The following MED12L variants were observed in gnomAD, a reference collection of about 807,000 sequenced individuals.
MED12L encodes the protein mediator of RNA polymerase II transcription subunit 12-like protein.
In MED12L, 60 loss-of-function variants were observed where a neutral mutation model predicts 281.3. The observed-to-expected ratio is 0.21, with a 90% CI of 0.17 to 0.26. The LOEUF (loss-of-function observed/expected upper bound fraction) is 0.26, where lower values mean the gene tolerates loss of function less well. Ranked by LOEUF, MED12L falls within the 10% of genes least tolerant of loss-of-function variation. The pLI is 1.00. For synonymous variants in MED12L, 974 were observed against 987.2 expected (o/e 0.99, Z 0.25); for missense variants, 2,146 against 2,680.9 (o/e 0.80, Z 4.41).
At chr3:151,380,062 G>A in intron 31 of MED12L, 51 bp from the exon 32 acceptor site, 3 of 1,126,828 alleles carry the variant, frequency 2.7e-6, no homozygotes, top group Non-Finnish European at 3.8e-6. Context: ...GCCAGAGGAA[G>A]TAATGCATTA....
At chr3:151,408,169 C>T (rs1716545907) in intron 39 of MED12L, among the ~76,000 whole-genome samples, 1 of 152,152 alleles carries the variant, frequency 6.6e-6, no homozygotes, top group Non-Finnish European at 1.5e-5. Flanking sequence ...CTCTTTGAGC[C>T]TGGCTTTTCC....
rs141403814 is a variant in MED12L, at chr3:151,161,990, G to C, written c.1107+1889G>C. On this transcript the variant is annotated intron_variant, in intron 8 of 44. Transcript: ENST00000687756. ...TTAAGGAATGTCGAGGAGTGATGGA[G>C]AATAAGGAGAAATAGCACTAATTGT... 9.5e-4 allele frequency among the ~76,000 whole-genome samples: 145 copies of C among 152,258 alleles called. 1 individual carries two copies. In the East Asian group the frequency reaches 0.023, roughly 24 times the overall value.
intron 16 of MED12L, among the ~76,000 whole-genome samples, chr3:151,318,577 T>C (rs1748591680): frequency 6.6e-6 from 1 of 152,192 alleles, no homozygotes; most frequent in African/African-American, 2.4e-5. Context: ...GAGAAGCATC[T>C]CTTATGGCCC....
chr3:151,086,867 CTCA>C lies in MED12L; in HGVS notation c.-59_-57del, dbSNP rs1201137755. ...GTCTGCAAAGTGCTGCTCCCTGGTGCTCAGAGGCGGCTGCTCCAGCTCCAACTC... is the reference window on the plus strand; with the variant it reads ...GTCTGCAAAGTGCTGCTCCCTGGTGCGAGGCGGCTGCTCCAGCTCCAACTC... On this transcript the variant is annotated 5_prime_UTR_variant, in exon 2 of 45. Coordinates refer to ENST00000687756, the MANE Select transcript of MED12L (RefSeq NM_001393769.1). The C allele has an allele frequency of 7.2e-7, 1 of 1,388,022 alleles. No individual in the cohort carries two copies. The highest frequency in any genetic ancestry group is 9.9e-7 in the Non-Finnish European group (1 of 1,012,234). The allele number at this position is 1,388,022 out of a possible 1,614,324, so 86.0% of individuals were successfully genotyped here.
chr3:151,340,922 A>G lies in MED12L; in HGVS notation c.2251-9137A>G, dbSNP rs149686576. 12 of 152,310 alleles carry G rather than the reference A, an allele frequency of 7.9e-5. No individual in the cohort carries two copies. The East Asian group carries it at 2.3e-3, about 29-fold the overall frequency. 9.4% of individuals were successfully genotyped at this position (152,310 alleles called of 1,614,324 possible). ...GTGGGATGAGGATGGCTGAGAAGTC[A>G]TCTTTTAAAAAGCAATTTAAAATCT... On this transcript the variant is annotated intron_variant, in intron 16 of 44. Coordinates refer to ENST00000687756, the MANE Select transcript of MED12L (RefSeq NM_001393769.1).
At chr3:151,373,639 C>G (rs971241431) in intron 27 of MED12L, among the ~76,000 whole-genome samples, 1 of 152,042 alleles carries the variant, frequency 6.6e-6, no homozygotes, top group Non-Finnish European at 1.5e-5. Flanking sequence ...CTGCCCTCCT[C>G]TCCCCTGTTT....
chr3:151,254,864 T>G (rs1240662708), intron 16 of MED12L, among the ~76,000 whole-genome samples: 1 of 152,214 alleles, frequency 6.6e-6, no homozygotes, highest in Non-Finnish European at 1.5e-5. Context: ...AAATGTCACA[T>G]ACATGATATA....
intron 2 of MED12L, among the ~76,000 whole-genome samples, chr3:151,089,714 C>G (rs1414865184): frequency 2.0e-5 from 3 of 152,052 alleles, no homozygotes; most frequent in Non-Finnish European, 4.4e-5. Context: ...CTTTAACCTG[C>G]CTGATGGATT....
chr3:151,235,927 G>T (rs1484132225), intron 16 of MED12L, among the ~76,000 whole-genome samples: 1 of 151,966 alleles, frequency 6.6e-6, no homozygotes, highest in Non-Finnish European at 1.5e-5. Flanking sequence ...GTTTTCTCTT[G>T]TCTCCCTTTG....
chr3:151,389,918 G>T, intron 37 of MED12L, 61 bp from the exon 38 acceptor site: 1 of 1,544,336 alleles, frequency 6.5e-7, no homozygotes, highest in Non-Finnish European at 8.9e-7. Context: ...GAAGTTATTT[G>T]CATTAATTAG....
chr3:151,421,648 A>G (rs1353913853), intron 43 of MED12L, among the ~76,000 whole-genome samples: 3 of 152,146 alleles, frequency 2.0e-5, no homozygotes, highest in Admixed American at 1.3e-4. Flanking sequence ...ACCTCAAGTG[A>G]TCCACCTGCC....
intron 5 of MED12L, among the ~76,000 whole-genome samples, chr3:151,138,850 A>G (rs1346564547): frequency 1.5e-4 from 23 of 151,938 alleles, no homozygotes; most frequent in Admixed American, 1.5e-3. Context: ...ATCCCTTTCC[A>G]CACTTTACTC....
chr3:151,376,927 A>G, intron 29 of MED12L, 53 bp downstream of exon 29: 2 of 1,611,006 alleles, frequency 1.2e-6, no homozygotes, highest in East Asian at 2.2e-5. Flanking sequence ...AAAAGCAAAA[A>G]CACGTTGATG....
chr3:151,179,652 G>A (rs1012535305), intron 11 of MED12L, among the ~76,000 whole-genome samples: 4 of 152,160 alleles, frequency 2.6e-5, no homozygotes, highest in East Asian at 1.9e-4. Context: ...GGCTGAGAAC[G>A]ACCCCTCTTG....
At chr3:151,354,949 A>T (rs181667587) in intron 17 of MED12L, among the ~76,000 whole-genome samples, 172 bp from the exon 18 acceptor site, 10 of 152,282 alleles carry the variant, frequency 6.6e-5, no homozygotes, top group Admixed American at 3.9e-4. Flanking sequence ...AGTTTCTGAG[A>T]TTCCATTCTG....
intron 39 of MED12L, among the ~76,000 whole-genome samples, chr3:151,395,500 G>A (rs548136985): frequency 2.0e-5 from 3 of 152,092 alleles, no homozygotes; most frequent in Admixed American, 6.6e-5. Context: ...TCAGCACTTA[G>A]TATAAACTCA....
chr3:151,140,815 G>A (rs1320240680), intron 5 of MED12L, among the ~76,000 whole-genome samples: 1 of 151,960 alleles, frequency 6.6e-6, no homozygotes, highest in Non-Finnish European at 1.5e-5. Flanking sequence ...GAGTAGCTGC[G>A]ATTACAGGCA....
At chr3:151,215,529 T>G (rs1209943710) in intron 16 of MED12L, among the ~76,000 whole-genome samples, 2 of 152,258 alleles carry the variant, frequency 1.3e-5, no homozygotes, top group Non-Finnish European at 2.9e-5. Context: ...TTTCACATTA[T>G]GGTTTTATTG....
chr3:151,093,317 A>G (rs995999768), intron 2 of MED12L, among the ~76,000 whole-genome samples: 4 of 152,162 alleles, frequency 2.6e-5, no homozygotes, highest in African/African-American at 9.7e-5. Flanking sequence ...AAAAATGCAG[A>G]TAAAGTGGCC....
Sources: allele counts gnomAD v4.1 joint callset (sites outside exome capture counted in the v4.1 genomes callset), GRCh38; gene constraint gnomAD v4.1.1; transcripts MANE v1.5; gene names NCBI Gene and HGNC (gene_info 2026-07-23, HGNC 2026-07-21).